The following ATP10A variants were observed in gnomAD, a reference collection of about 807,000 sequenced individuals.
ATP10A encodes ATPase phospholipid transporting 10A (putative).
Under a neutral mutation model 147.8 loss-of-function variants are expected in ATP10A, and 111 were observed. The ratio of observed to expected loss-of-function variants is 0.75; its 90% confidence interval spans 0.64 to 0.88. The LOEUF (loss-of-function observed/expected upper bound fraction) is 0.88. ATP10A is among the 40% of genes least tolerant of loss of function. ATP10A has a pLI of 0.00. For synonymous variants in ATP10A, 875 were observed against 841.6 expected (o/e 1.04, Z -0.69); for missense variants, 1,927 against 1,959.0 (o/e 0.98, Z 0.31).
At chr15:25,686,046 G>A (rs1477723654) in intron 16 of ATP10A, among the ~76,000 whole-genome samples, 3 of 152,152 alleles carry the variant, frequency 2.0e-5, no homozygotes, top group African/African-American at 7.2e-5. Flanking sequence ...GAGCCGGCAA[G>A]CCCAGGAGTG....
intron 19 of ATP10A, 57 bp downstream of exon 19, chr15:25,680,753 T>G: frequency 1.3e-6 from 2 of 1,489,324 alleles, no homozygotes; most frequent in South Asian, 2.3e-5. Context: ...TGCAGGGAAG[T>G]GTGGGGTCCA....
intron 1 of ATP10A, among the ~76,000 whole-genome samples, chr15:25,810,326 T>G (rs1891373367): frequency 6.6e-6 from 1 of 152,184 alleles, no homozygotes; most frequent in South Asian, 2.1e-4. Context: ...GGAGGACAGC[T>G]CTGTGAGTCA....
At chr15:25,770,530 G>C (rs1596853057) in intron 2 of ATP10A, among the ~76,000 whole-genome samples, 1 of 152,230 alleles carries the variant, frequency 6.6e-6, no homozygotes, top group African/African-American at 2.4e-5. Context: ...ACACAGGCAA[G>C]TGCCCAGTGT....
chr15:25,748,900 CA>C (rs763523700), intron 2 of ATP10A, among the ~76,000 whole-genome samples: 2,184 of 136,190 alleles, frequency 0.016, 56 homozygotes, highest in East Asian at 0.099. Context: ...ACTAAAAATA[CA>C]AAAAAAAAAA....
intron 12 of ATP10A, 128 bp downstream of exon 12, chr15:25,707,848 G>C: frequency 7.6e-7 from 1 of 1,320,430 alleles, no homozygotes; most frequent in Non-Finnish European, 1.0e-6. Context: ...CTGTGCCAGC[G>C]TCCTGCCAGG....
downstream of ATP10A, among the ~76,000 whole-genome samples, chr15:25,673,498 C>T (rs1166263291): frequency 6.8e-6 from 1 of 148,022 alleles, no homozygotes; most frequent in Non-Finnish European, 1.5e-5. Flanking sequence ...TGTGTCCTCA[C>T]ATGTGTGGCC....
rs1893851586 is a variant in ATP10A at position 25,863,125 on chromosome 15, C to T, written c.-29G>A. 2.6e-6 allele frequency: 3 copies of T among 1,138,812 alleles called. No individual in the cohort carries two copies. The highest frequency in any genetic ancestry group is 8.5e-5 in the South Asian group (2 of 23,660). The allele number at this position is 1,138,812 out of a possible 1,614,324, so 70.5% of individuals were successfully genotyped here. A position where few individuals can be genotyped will look rare whatever the true frequency, so the allele number is the denominator to read the frequency against. ...CGCGTGTCGCCGCGCCCGGCTCCTCCGCCGCTCACGCCCGCCCGCGCCGGC... is the reference window on the plus strand; with the variant it reads ...CGCGTGTCGCCGCGCCCGGCTCCTCTGCCGCTCACGCCCGCCCGCGCCGGC... On this transcript the variant is annotated 5_prime_UTR_variant, in exon 1 of 21. Transcript: ENST00000555815.
chr15:25,742,762 C>T (rs1887638810), intron 2 of ATP10A, among the ~76,000 whole-genome samples: 1 of 152,202 alleles, frequency 6.6e-6, no homozygotes, highest in Non-Finnish European at 1.5e-5. Context: ...TTTCACAGAA[C>T]ACCAAATTCA....
intron 10 of ATP10A, among the ~76,000 whole-genome samples, chr15:25,711,632 A>C (rs1901427232): frequency 6.6e-6 from 1 of 152,212 alleles, no homozygotes; most frequent in Non-Finnish European, 1.5e-5. Context: ...GATCAACACA[A>C]GCCCTTGATT....
At chr15:25,736,221 G>C in intron 2 of ATP10A, 80 bp from the exon 3 acceptor site, 1 of 1,085,510 alleles carries the variant, frequency 9.2e-7, no homozygotes. Flanking sequence ...TTTCTGTCTC[G>C]CATCCGCGGC....
At chr15:25,761,713 C>T (rs993908989) in intron 2 of ATP10A, among the ~76,000 whole-genome samples, 3 of 152,210 alleles carry the variant, frequency 2.0e-5, no homozygotes, top group South Asian at 4.1e-4. Context: ...TTTTAGCCAA[C>T]CTCTCCCATT....
chr15:25,727,450 C>A (rs556353523), intron 3 of ATP10A, among the ~76,000 whole-genome samples, 184 bp from the exon 4 acceptor site: 1 of 152,204 alleles, frequency 6.6e-6, no homozygotes, highest in Admixed American at 6.5e-5. Flanking sequence ...TCTGCAAGAG[C>A]TGAGACAGAA....
At chr15:25,844,771 C>A (rs1421862501) in intron 1 of ATP10A, among the ~76,000 whole-genome samples, 1 of 152,156 alleles carries the variant, frequency 6.6e-6, no homozygotes, top group Non-Finnish European at 1.5e-5. Context: ...ACTTGTGGAC[C>A]CTGTGGCTTG....
intron 1 of ATP10A, among the ~76,000 whole-genome samples, chr15:25,829,296 A>G (rs1422646462): frequency 1.3e-5 from 2 of 152,192 alleles, no homozygotes. Flanking sequence ...CACAGCACCC[A>G]GATCAGTGAC....
chr15:25,789,879 C>T (rs1890333369), intron 1 of ATP10A, among the ~76,000 whole-genome samples: 1 of 152,160 alleles, frequency 6.6e-6, no homozygotes, highest in African/African-American at 2.4e-5. Context: ...GTTGTTACAA[C>T]CTAAAACAGC....
At chr15:25,687,461 T>A (rs1899756089) in intron 16 of ATP10A, among the ~76,000 whole-genome samples, 1 of 151,896 alleles carries the variant, frequency 6.6e-6, no homozygotes, top group African/African-American at 2.4e-5. Flanking sequence ...TTGCTAGTGT[T>A]ATCCACCTGT....
chr15:25,839,815 C>T (rs899180783), intron 1 of ATP10A, among the ~76,000 whole-genome samples: 19 of 152,172 alleles, frequency 1.2e-4, no homozygotes, highest in African/African-American at 4.6e-4. Context: ...CCAGCCTCCC[C>T]TAAGGCCACC....
At chr15:25,790,566 T>C (rs1890366510) in intron 1 of ATP10A, among the ~76,000 whole-genome samples, 1 of 152,214 alleles carries the variant, frequency 6.6e-6, no homozygotes, top group Non-Finnish European at 1.5e-5. Context: ...TGACACACCA[T>C]GCTATGCTCA....
At chr15:25,854,416 C>G (rs1375155325) in intron 1 of ATP10A, among the ~76,000 whole-genome samples, 1 of 152,152 alleles carries the variant, frequency 6.6e-6, no homozygotes, top group Non-Finnish European at 1.5e-5. Context: ...TCTAGTTCAT[C>G]AATAGAGAAG....
Sources: allele counts gnomAD v4.1 joint callset (sites outside exome capture counted in the v4.1 genomes callset), GRCh38; gene constraint gnomAD v4.1.1; transcripts MANE v1.5; gene names NCBI Gene and HGNC (gene_info 2026-07-23, HGNC 2026-07-21).